SPC25: variants seen among roughly 807,000 people sequenced by gnomAD.
SPC25 encodes SPC25 component of NDC80 kinetochore complex.
SPC25 carries 22 observed loss-of-function variants against 29.6 expected under a neutral mutation model. The ratio of observed to expected loss-of-function variants is 0.74; its 90% confidence interval spans 0.53 to 1.06. The LOEUF (loss-of-function observed/expected upper bound fraction) is 1.06, where lower values mean the gene tolerates loss of function less well. Among genes scored for constraint, SPC25 ranks in the 50% least tolerant of loss-of-function variants. The pLI, the probability that SPC25 is intolerant of heterozygous loss-of-function variation, is 0.00. For missense variants in SPC25, 230 were observed against 255.8 expected, an observed-to-expected ratio of 0.90 and a Z score of 0.69; for synonymous variants, 91 against 90.4, an observed-to-expected ratio of 1.01 and a Z score of -0.04.
intron 4 of SPC25, among the ~76,000 whole-genome samples, chr2:168,862,981 C>CCAGT (rs1689562628): frequency 6.6e-6 from 1 of 151,278 alleles, no homozygotes; most frequent in South Asian, 2.1e-4. Flanking sequence ...GCAGCATTTG[C>CCAGT]CAGTCATATC....
intron 4 of SPC25, among the ~76,000 whole-genome samples, chr2:168,876,604 T>TTC (rs1329632032): frequency 6.6e-6 from 1 of 150,418 alleles, no homozygotes; most frequent in Non-Finnish European, 1.5e-5. Context: ...TTTTTTCTTT[T>TTC]TTTTTTTTTT....
At chr2:168,867,673 CAAG>C (rs1222806936), downstream of SPC25, among the ~76,000 whole-genome samples, 27 of 152,246 alleles carry the variant, frequency 1.8e-4, no homozygotes, top group African/African-American at 5.1e-4. Flanking sequence ...ATCAATTCAA[CAAG>C]AAGAACTAAC....
chr2:168,881,931 A>C (rs1266412449), intron 3 of SPC25, among the ~76,000 whole-genome samples: 2 of 152,230 alleles, frequency 1.3e-5, no homozygotes, highest in Non-Finnish European at 2.9e-5. Flanking sequence ...AACATCTCTC[A>C]AGACAAGCAT....
At position 168,889,548 on chromosome 2, in the gene SPC25, C is replaced by T. The variant is rs1047714940; in HGVS notation, c.-14-15G>A. 4.4e-6 allele frequency: 7 copies of T among 1,601,246 alleles called. No homozygotes were observed. In the African/African-American group the frequency reaches 9.4e-5, roughly 21 times the overall value. On this transcript the variant is annotated splice_polypyrimidine_tract_variant and intron_variant, in intron 1 of 6. Coordinates refer to ENST00000282074, the MANE Select transcript of SPC25 (RefSeq NM_020675.4). Reference sequence around the variant, plus strand: ...GTAGGACAATGCTAAAAACAGAATACATATTGCATTTTTTAAGTTACTGAA... The same window carrying T: ...GTAGGACAATGCTAAAAACAGAATATATATTGCATTTTTTAAGTTACTGAA...
intron 4 of SPC25, chr2:168,864,809 C>T: frequency 1.2e-6 from 2 of 1,612,982 alleles, no homozygotes; most frequent in Non-Finnish European, 1.7e-6. Context: ...CACAGAGACC[C>T]ATTTGTCTAA....
At chr2:168,883,146 T>C (rs575368634) in intron 3 of SPC25, among the ~76,000 whole-genome samples, 1 of 152,086 alleles carries the variant, frequency 6.6e-6, no homozygotes, top group Non-Finnish European at 1.5e-5. Context: ...ATTTTTAAAA[T>C]ATGGTATATC....
At chr2:168,863,042 C>A (rs181123881) in intron 4 of SPC25, among the ~76,000 whole-genome samples, 3 of 152,104 alleles carry the variant, frequency 2.0e-5, no homozygotes, top group East Asian at 3.9e-4. Context: ...AGACATACTT[C>A]CCAGATGCCA....
chr2:168,874,630 G>T (rs1690055446), intron 5 of SPC25, among the ~76,000 whole-genome samples: 1 of 152,094 alleles, frequency 6.6e-6, no homozygotes, highest in African/African-American at 2.4e-5. Context: ...CATACTCAGG[G>T]CTATGATTTA....
intron 6 of SPC25, among the ~76,000 whole-genome samples, chr2:168,873,173 A>G (rs1690025085): frequency 6.6e-6 from 1 of 152,222 alleles, no homozygotes; most frequent in African/African-American, 2.4e-5. Flanking sequence ...TGGGAAAATA[A>G]ATTGTTAAAT....
chr2:168,867,781 A>G (rs1376536891), downstream of SPC25, among the ~76,000 whole-genome samples: 14 of 152,168 alleles, frequency 9.2e-5, no homozygotes, highest in Non-Finnish European at 2.1e-4. Context: ...CACTGTCAAC[A>G]TTAGACAGAT....
chr2:168,886,303 G>T (rs1690261372), intron 3 of SPC25, among the ~76,000 whole-genome samples: 1 of 151,984 alleles, frequency 6.6e-6, no homozygotes, highest in Admixed American at 6.5e-5. Flanking sequence ...CAATCCTCCT[G>T]CCTCAGCCTC....
At chr2:168,879,973 A>C (rs1410053778) in intron 3 of SPC25, among the ~76,000 whole-genome samples, 2 of 152,242 alleles carry the variant, frequency 1.3e-5, no homozygotes, top group African/African-American at 4.8e-5. Flanking sequence ...AATATTCAGT[A>C]AACTATGCTA....
intron 5 of SPC25, among the ~76,000 whole-genome samples, chr2:168,874,981 T>C (rs1042885964): frequency 6.6e-6 from 1 of 152,180 alleles, no homozygotes; most frequent in Non-Finnish European, 1.5e-5. Context: ...CTGAGAGTGA[T>C]CTTGGGAAGC....
At chr2:168,863,373 T>A in intron 4 of SPC25, 1 of 982,086 alleles carries the variant, frequency 1.0e-6, no homozygotes, top group Non-Finnish European at 1.2e-6. Flanking sequence ...TTCCTTTGTC[T>A]TAGAAAGAAA....
intron 4 of SPC25, among the ~76,000 whole-genome samples, chr2:168,876,616 A>G (rs200731371): frequency 1.3e-5 from 1 of 79,380 alleles, no homozygotes; most frequent in Non-Finnish European, 2.8e-5. Context: ...TTTTTTTTTA[A>G]GTTAGCACAA....
At chr2:168,878,775 G>A (rs374852832) in intron 3 of SPC25, among the ~76,000 whole-genome samples, 4 of 152,036 alleles carry the variant, frequency 2.6e-5, no homozygotes, top group East Asian at 1.9e-4. Context: ...TGCAATATTC[G>A]TTTTTGTTCT....
downstream of SPC25, among the ~76,000 whole-genome samples, chr2:168,867,236 C>T (rs1193818038): frequency 2.0e-5 from 3 of 152,072 alleles, no homozygotes; most frequent in African/African-American, 7.2e-5. Flanking sequence ...AAATGTCCAA[C>T]AATGATAGAC....
At chr2:168,879,569 T>G (rs943240701) in intron 3 of SPC25, among the ~76,000 whole-genome samples, 3 of 152,254 alleles carry the variant, frequency 2.0e-5, no homozygotes, top group Admixed American at 6.5e-5. Flanking sequence ...CATTGAAGTC[T>G]TGAACCTCTC....
rs1302263743 is a variant in SPC25, at chr2:168,875,001, A to C, written c.451+1071T>G. Among the ~76,000 whole-genome samples the C allele has an allele frequency of 3.3e-5, 5 of 152,300 alleles. No homozygotes were observed. In the East Asian group the frequency reaches 5.8e-4, roughly 18 times the overall value. ...AGTGATCTTGGGAAGCCCAGACACAACAGACATTGCCATACATTAGCGATG... is the reference window on the plus strand; with the variant it reads ...AGTGATCTTGGGAAGCCCAGACACACCAGACATTGCCATACATTAGCGATG... On this transcript the variant is annotated intron_variant, in intron 5 of 6. Coordinates refer to ENST00000282074, the MANE Select transcript of SPC25 (RefSeq NM_020675.4).
Sources: gnomAD v4.1 joint callset for allele counts (sites outside exome capture counted in the v4.1 genomes callset) on GRCh38, gnomAD v4.1.1 for gene constraint, MANE v1.5 for transcripts, NCBI Gene and HGNC (gene_info 2026-07-23, HGNC 2026-07-21) for gene names.